Variants in MRPS6 observed in about 807,000 individuals in gnomAD.
The protein encoded by MRPS6 is mitochondrial ribosomal protein S6.
Under a neutral mutation model 13.1 loss-of-function variants are expected in MRPS6, and 6 were observed. That is an observed-to-expected ratio of 0.46 (90% CI 0.25 to 0.91). The LOEUF (loss-of-function observed/expected upper bound fraction) is 0.91, where lower values mean the gene tolerates loss of function less well. Ranked by LOEUF, MRPS6 falls within the 40% of genes least tolerant of loss-of-function variation. The pLI is 0.18. For synonymous variants in MRPS6, 61 were observed against 56.5 expected, an observed-to-expected ratio of 1.08 and a Z score of -0.36; for missense variants, 164 against 155.6, an observed-to-expected ratio of 1.05 and a Z score of -0.29.
chr21:34,136,847 A>G (rs1184064432), intron 2 of MRPS6, among the ~76,000 whole-genome samples: 1 of 152,224 alleles, frequency 6.6e-6, no homozygotes, highest in East Asian at 1.9e-4. Context: ...ATCCAAATTT[A>G]CAAAAGCTTC....
intron 1 of MRPS6, among the ~76,000 whole-genome samples, chr21:34,075,620 T>C (rs932270863): frequency 5.9e-5 from 9 of 152,184 alleles, no homozygotes; most frequent in Admixed American, 5.9e-4. Flanking sequence ...CCCATGGCAG[T>C]AGATAGAAGG....
chr21:34,089,833 A>C (rs1243298211), intron 1 of MRPS6, among the ~76,000 whole-genome samples: 1 of 152,178 alleles, frequency 6.6e-6, no homozygotes, highest in Non-Finnish European at 1.5e-5. Flanking sequence ...TAAAAACTTG[A>C]GGGTGCAAGT....
At chr21:34,112,682 G>A (rs539141925) in intron 1 of MRPS6, among the ~76,000 whole-genome samples, 1 of 151,962 alleles carries the variant, frequency 6.6e-6, no homozygotes, top group East Asian at 1.9e-4. Context: ...CTCTGTCTAT[G>A]ATTATATATC....
At chr21:34,134,296 G>A (rs1264798947) in intron 2 of MRPS6, among the ~76,000 whole-genome samples, 2 of 152,332 alleles carry the variant, frequency 1.3e-5, no homozygotes, top group African/African-American at 2.4e-5. Context: ...TGGCAGTCTT[G>A]TCAGTGAGCA....
chr21:34,117,384 G>C (rs1479513193), intron 1 of MRPS6, among the ~76,000 whole-genome samples: 5 of 152,120 alleles, frequency 3.3e-5, no homozygotes, highest in African/African-American at 4.8e-5. Context: ...GCTGAAATCT[G>C]CTTTCTTCAA....
chr21:34,073,892 T>G (rs1989252628), intron 1 of MRPS6, 147 bp downstream of exon 1: 2 of 266,668 alleles, frequency 7.5e-6, no homozygotes, highest in Admixed American at 1.3e-4. Flanking sequence ...GCGGCGGGCG[T>G]CCGCGGGAAG....
At chr21:34,105,919 C>T in intron 1 of MRPS6, 1 of 987,806 alleles carries the variant, frequency 1.0e-6, no homozygotes, top group South Asian at 4.8e-5. Context: ...TCTATTCTAA[C>T]CTATTGTGTA....
intron 2 of MRPS6, among the ~76,000 whole-genome samples, chr21:34,130,193 G>T (rs1301813589): frequency 2.6e-5 from 4 of 152,308 alleles, no homozygotes; most frequent in East Asian, 3.9e-4. Context: ...GAAGGGGAGG[G>T]TGAGAGAGAG....
intron 1 of MRPS6, among the ~76,000 whole-genome samples, chr21:34,091,495 C>T (rs540798245): frequency 1.3e-5 from 2 of 152,234 alleles, no homozygotes; most frequent in South Asian, 4.1e-4. Flanking sequence ...TAACTAATTA[C>T]ATTTTGGTTA....
intron 1 of MRPS6, among the ~76,000 whole-genome samples, chr21:34,115,915 T>G (rs1182686203): frequency 6.6e-6 from 1 of 151,528 alleles, no homozygotes; most frequent in Non-Finnish European, 1.5e-5. Context: ...TTTGTCTACA[T>G]AGTCCTTTTT....
rs1205249378 is a variant in MRPS6 at position 34,125,163 on chromosome 21, C to T, written c.46-178C>T. 3 of 989,018 alleles carry T rather than the reference C, an allele frequency of 3.0e-6. 1 individual carries two copies. The highest frequency in any genetic ancestry group is 3.3e-5 in the African/African-American group (2 of 60,682). The allele number at this position is 989,018 out of a possible 1,614,324, so 61.3% of individuals were successfully genotyped here. ...ATCTGTGAGCTATCTCATATCCTTACAATAAATTCTCTCTCTCTTTTATTT... is the reference window on the plus strand; with the variant it reads ...ATCTGTGAGCTATCTCATATCCTTATAATAAATTCTCTCTCTCTTTTATTT... On this transcript the variant is annotated intron_variant, in intron 1 of 2. Coordinates refer to ENST00000399312, the MANE Select transcript of MRPS6 (RefSeq NM_032476.4).
intron 1 of MRPS6, among the ~76,000 whole-genome samples, chr21:34,088,252 T>G (rs1978497633): frequency 6.6e-6 from 1 of 152,156 alleles, no homozygotes; most frequent in Admixed American, 6.5e-5. Context: ...TAAGACTTAC[T>G]ATTTTTCCCC....
At chr21:34,098,762 C>G (rs950670913) in intron 1 of MRPS6, 3 of 1,000,084 alleles carry the variant, frequency 3.0e-6, no homozygotes, top group Admixed American at 1.2e-4. Context: ...CTAGTGGGTA[C>G]AGGGTACAAA....
intron 1 of MRPS6, among the ~76,000 whole-genome samples, chr21:34,078,934 AAC>A (rs1226653873): frequency 6.6e-6 from 1 of 152,240 alleles, no homozygotes; most frequent in Non-Finnish European, 1.5e-5. Context: ...ACGTGTTATC[AAC>A]ACATGTAGTT....
intron 1 of MRPS6, among the ~76,000 whole-genome samples, chr21:34,121,049 G>T (rs1185763945): frequency 6.6e-6 from 1 of 152,134 alleles, no homozygotes; most frequent in East Asian, 1.9e-4. Context: ...CATTTTAGAC[G>T]TTGGGAATAC....
Position 34,142,480 on chromosome 21 carries a change from A to G in MRPS6, c.258A>G (p.Ile86Met), listed in dbSNP as rs778639323. The G allele has an allele frequency of 5.0e-6, 8 of 1,612,910 alleles. No homozygotes were observed. The highest frequency in any genetic ancestry group is 5.9e-6 in the Non-Finnish European group (7 of 1,179,560). Residue 86 changes from isoleucine to methionine, a missense_variant, in exon 3 of 3, where the codon ATA becomes ATG. Ile to Met is a conservative substitution (Grantham distance 10). Transcript: ENST00000399312. ...ESMVEHLSRD[I>M]DVIRGNIVKH... ...TGGTGGAGCACTTGTCTCGAGATAT[A>G]GATGTGATTAGAGGGAATATTGTCA...
intron 1 of MRPS6, among the ~76,000 whole-genome samples, chr21:34,119,248 C>T (rs1407425869): frequency 1.3e-5 from 2 of 152,168 alleles, no homozygotes; most frequent in African/African-American, 2.4e-5. Context: ...GCTGGCACTT[C>T]ACATATTTTT....
intron 1 of MRPS6, among the ~76,000 whole-genome samples, chr21:34,074,843 T>C (rs1231579659): frequency 6.6e-6 from 1 of 152,200 alleles, no homozygotes; most frequent in East Asian, 1.9e-4. Flanking sequence ...TTAAGCTCAA[T>C]TGATAAACTA....
intron 1 of MRPS6, among the ~76,000 whole-genome samples, chr21:34,119,810 G>A (rs1980058010): frequency 6.6e-6 from 1 of 150,590 alleles, no homozygotes. Flanking sequence ...ATTGACTAGT[G>A]GTGGTGGTTA....
Sources: gnomAD v4.1 joint callset for allele counts (sites outside exome capture counted in the v4.1 genomes callset) on GRCh38, gnomAD v4.1.1 for gene constraint, MANE v1.5 for transcripts, NCBI Gene and HGNC (gene_info 2026-07-23, HGNC 2026-07-21) for gene names.